Variants in UFSP2 observed in about 807,000 individuals in gnomAD.
UFSP2 encodes UFM1 specific peptidase 2.
A neutral mutation model predicts 60.2 loss-of-function variants in UFSP2; 43 were observed. The ratio of observed to expected loss-of-function variants is 0.71; its 90% CI spans 0.56 to 0.92. The LOEUF (loss-of-function observed/expected upper bound fraction) is 0.92. Among genes scored for constraint, UFSP2 ranks in the 40% least tolerant of loss-of-function variants. UFSP2 has a pLI of 0.00. For synonymous variants in UFSP2, 183 were observed against 195.1 expected (o/e 0.94, Z 0.52); for missense variants, 520 against 575.0 (o/e 0.90, Z 0.98).
At chr4:185,415,134 G>C (rs561192551) in intron 6 of UFSP2, 21 bp downstream of exon 6, 1 of 1,540,026 alleles carries the variant, frequency 6.5e-7, no homozygotes, top group East Asian at 2.4e-5. Context: ...TTTTTTCTAA[G>C]AATAGATGAA....
In UFSP2 at chr4:185,417,327, C is replaced by G. The variant is rs149570393; in HGVS notation, c.333+1114G>C. Among the ~76,000 whole-genome samples, 647 of 152,298 alleles carry G rather than the reference C, an allele frequency of 4.2e-3. 5 individuals carry two copies. The highest frequency in any genetic ancestry group is 0.015 in the African/African-American group (624 of 41,576). On this transcript the variant is annotated intron_variant, in intron 4 of 11. Coordinates refer to ENST00000264689, the MANE Select transcript of UFSP2 (RefSeq NM_018359.5). ...GTAATTTTCAAATCATTGTATCCAG[C>G]CCACAATTATTTTATGCATTCTACA...
intron 10 of UFSP2, among the ~76,000 whole-genome samples, chr4:185,405,552 A>G (rs537594745): frequency 6.6e-6 from 1 of 152,350 alleles, no homozygotes; most frequent in Non-Finnish European, 1.5e-5. Flanking sequence ...ATGTTTGAAC[A>G]TAGCTACCAT....
intron 11 of UFSP2, among the ~76,000 whole-genome samples, chr4:185,401,389 A>G (rs1436621627): frequency 6.6e-6 from 1 of 152,254 alleles, no homozygotes; most frequent in Non-Finnish European, 1.5e-5. Flanking sequence ...ACAGACAGAG[A>G]AAAAAGGCTC....
intron 1 of UFSP2, 124 bp from the exon 2 acceptor site, chr4:185,422,687 G>T (rs1181771038): frequency 2.9e-6 from 2 of 694,182 alleles, no homozygotes; most frequent in African/African-American, 1.9e-5. Flanking sequence ...ATTATTTCAT[G>T]AGTTAATTCC....
intron 10 of UFSP2, 145 bp downstream of exon 10, chr4:185,405,635 A>T: frequency 1.2e-6 from 1 of 813,034 alleles, no homozygotes; most frequent in African/African-American, 1.7e-5. Flanking sequence ...AATTTTTTTC[A>T]ATATCCAGAG....
At chr4:185,405,984 A>C (rs771229517) in intron 9 of UFSP2, 128 bp from the exon 10 acceptor site, 1 of 1,534,570 alleles carries the variant, frequency 6.5e-7, no homozygotes, top group Non-Finnish European at 8.8e-7. Context: ...AAATGTAAAA[A>C]AATTAAGTGT....
chr4:185,422,633 A>C (rs775587378), intron 1 of UFSP2, 70 bp from the exon 2 acceptor site: 19 of 1,050,390 alleles, frequency 1.8e-5, no homozygotes, highest in Non-Finnish European at 2.6e-5. Flanking sequence ...ATAAATTAGA[A>C]TCTAAGTTTA....
chr4:185,415,391 AC>A, intron 5 of UFSP2, 44 bp from the exon 6 acceptor site: 1 of 1,457,474 alleles, frequency 6.9e-7, no homozygotes, highest in South Asian at 1.4e-5. Context: ...AGTTATAGTG[AC>A]TACAATAAAG....
At chr4:185,403,843 G>A (rs2095516234) in intron 10 of UFSP2, among the ~76,000 whole-genome samples, 4 of 151,680 alleles carry the variant, frequency 2.6e-5, no homozygotes, top group African/African-American at 9.7e-5. Flanking sequence ...TGGGCTTGGT[G>A]GCAGGCGCCT....
chr4:185,414,307 G>C (rs1435516407), intron 6 of UFSP2, among the ~76,000 whole-genome samples: 1 of 152,190 alleles, frequency 6.6e-6, no homozygotes, highest in African/African-American at 2.4e-5. Context: ...GTAAGTGGTA[G>C]TGATTAAACT....
At chr4:185,409,124 A>G (rs538857913) in intron 7 of UFSP2, among the ~76,000 whole-genome samples, 1 of 152,320 alleles carries the variant, frequency 6.6e-6, no homozygotes, top group South Asian at 2.1e-4. Context: ...TAAATGCTGA[A>G]TGAATGAAGG....
In UFSP2 at chr4:185,405,808, GA is replaced by G. The variant is rs754922378; in HGVS notation, c.1169del (p.Phe390SerfsTer9). ...TCATAACTGGAGTTCCTTCACTTTG[GA>G]AATGATTAGCCAGTTCCCGTCCTTG... The part of the protein sequence containing the change: ...ASQGRELANH[F>X]QSEGTPVMIG... On this transcript the variant is annotated frameshift_variant, in exon 10 of 12. Transcript: ENST00000264689. LOFTEE classifies it high-confidence loss of function. 1 of 1,614,022 alleles carries G rather than the reference GA, an allele frequency of 6.2e-7. No homozygotes were observed. The highest frequency in any genetic ancestry group is 8.5e-7 in the Non-Finnish European group (1 of 1,179,974).
rs746830520 is a variant in UFSP2 at position 185,405,858 on chromosome 4, T to G, written c.1122-2A>C. ...TGAGAGGCAATTTCTGAACCTTGGC[T>G]AGAAAGAAACCATTTTCTATCAGAT... is the stretch of plus-strand genomic sequence containing the variant. On this transcript the variant is annotated splice_acceptor_variant, in intron 9 of 11. Transcript: ENST00000264689. LOFTEE classifies it high-confidence loss of function. 9.9e-6 allele frequency: 16 copies of G among 1,614,092 alleles called. No homozygotes were observed. Among genetic ancestry groups the G allele is most frequent in the Non-Finnish European group, 1.4e-5 (16 of 1,179,984 alleles).
At chr4:185,402,878 G>C (rs980412252) in intron 11 of UFSP2, among the ~76,000 whole-genome samples, 1 of 152,192 alleles carries the variant, frequency 6.6e-6, no homozygotes, top group African/African-American at 2.4e-5. Flanking sequence ...GAATATAAAT[G>C]TTACTTAAAA....
rs552201756 is a variant in UFSP2, at chr4:185,416,775, C to G, written c.334-908G>C. Among the ~76,000 whole-genome samples, 31 of 152,314 alleles carry G rather than the reference C, an allele frequency of 2.0e-4. 1 individual carries two copies. The highest frequency in any genetic ancestry group is 1.8e-3 in the Admixed American group (27 of 15,304). ...CACTGGAGCCAGCTTGAAGAAACTT[C>G]TATTGGCCAAATCTTGGAAAATGTG... On this transcript the variant is annotated intron_variant, in intron 4 of 11. Coordinates refer to ENST00000264689, the MANE Select transcript of UFSP2 (RefSeq NM_018359.5).
At chr4:185,411,335 A>G (rs920595597) in intron 7 of UFSP2, among the ~76,000 whole-genome samples, 5 of 152,208 alleles carry the variant, frequency 3.3e-5, no homozygotes, top group South Asian at 2.1e-4. Context: ...CCAAATGACC[A>G]AGGAAAGATC....
rs752750800 is a variant in UFSP2, at chr4:185,415,110, GAT to G, written c.684+43_684+44del. ...ATATATAATTAAATACAAAATGAAT[GAT>G]AGTCATTATTGTTTTTTCTAAGAAT... On this transcript the variant is annotated intron_variant, in intron 6 of 11. Coordinates refer to ENST00000264689, the MANE Select transcript of UFSP2 (RefSeq NM_018359.5). The G allele has an allele frequency of 6.3e-6, 9 of 1,421,242 alleles. No individual in the cohort carries two copies. The Admixed American group carries it at 1.8e-4, about 28-fold the overall frequency. The allele number at this position is 1,421,242 out of a possible 1,614,324, so 88.0% of individuals were successfully genotyped here.
rs1410206448 is a variant in UFSP2, at chr4:185,422,583, A to T, written c.4-20T>A. 2 of 1,532,504 alleles carry T rather than the reference A, an allele frequency of 1.3e-6. No homozygotes were observed. The highest frequency in any genetic ancestry group is 1.8e-6 in the Non-Finnish European group (2 of 1,126,146). The allele number at this position is 1,532,504 out of a possible 1,614,324, so 94.9% of individuals were successfully genotyped here. A position where few individuals can be genotyped will look rare whatever the true frequency, so the allele number is the denominator to read the frequency against. Reference sequence around the variant, plus strand: ...AATCACCTAGAACAAATAAAGATAAAGACAAACTCCCTTGTAAAACAAAAC... The same window carrying T: ...AATCACCTAGAACAAATAAAGATAATGACAAACTCCCTTGTAAAACAAAAC... On this transcript the variant is annotated intron_variant, in intron 1 of 11. Coordinates refer to ENST00000264689, the MANE Select transcript of UFSP2 (RefSeq NM_018359.5).
In UFSP2 at chr4:185,399,586, G is replaced by C; in HGVS notation, c.*806C>G. On this transcript the variant is annotated 3_prime_UTR_variant, in exon 12 of 12. Coordinates refer to ENST00000264689, the MANE Select transcript of UFSP2 (RefSeq NM_018359.5). ...TGTTTTCAGTTTATGTAATAAGAACGGGCAAACAGCTGAAGATCTCGCTTG... is the reference window on the plus strand; with the variant it reads ...TGTTTTCAGTTTATGTAATAAGAACCGGCAAACAGCTGAAGATCTCGCTTG... 1 of 1,614,070 alleles carries C rather than the reference G, an allele frequency of 6.2e-7. No homozygotes were observed. Among genetic ancestry groups the C allele is most frequent in the Non-Finnish European group, 8.5e-7 (1 of 1,180,000 alleles).
Sources: gnomAD v4.1 joint callset for allele counts (sites outside exome capture counted in the v4.1 genomes callset) on GRCh38, gnomAD v4.1.1 for gene constraint, MANE v1.5 for transcripts, NCBI Gene and HGNC (gene_info 2026-07-23, HGNC 2026-07-21) for gene names.